The following MLLT3 variants were observed in gnomAD, a reference collection of about 807,000 sequenced individuals.
The protein encoded by MLLT3 is protein AF-9.
In MLLT3, 4 loss-of-function variants were observed where a neutral mutation model predicts 53.2. The observed-to-expected ratio is 0.08, with a 90% CI of 0.04 to 0.17. The LOEUF is 0.17. Among genes scored for constraint, MLLT3 ranks in the 10% least tolerant of loss-of-function variants. The probability of loss-of-function intolerance (pLI) is 1.00; values close to 1 mark genes in which losing one functional copy is unlikely to be tolerated. For synonymous variants in MLLT3, 283 were observed against 230.6 expected (o/e 1.23, Z -2.06); for missense variants, 569 against 684.0 (o/e 0.83, Z 1.87).
chr9:20,343,396 G>T lies in MLLT3; in HGVS notation c.*3047C>A. 1 of 213,846 alleles carries T rather than the reference G, an allele frequency of 4.7e-6. No homozygotes were observed. 13.2% of individuals were successfully genotyped at this position (213,846 alleles called of 1,614,324 possible). On this transcript the variant is annotated 3_prime_UTR_variant, in exon 11 of 11. Transcript: ENST00000380338. Reference sequence around the variant, plus strand: ...AGTCTTCCCTACCTTGACACTATATGAACGCATTTATAGACATACCTATTT... The same window carrying T: ...AGTCTTCCCTACCTTGACACTATATTAACGCATTTATAGACATACCTATTT...
intron 2 of MLLT3, among the ~76,000 whole-genome samples, chr9:20,619,189 A>T (rs905166077): frequency 6.6e-6 from 1 of 152,238 alleles, no homozygotes; most frequent in Non-Finnish European, 1.5e-5. Context: ...ACTATATTTT[A>T]ACATAAAATG....
chr9:20,596,464 C>T (rs1160553663), intron 2 of MLLT3, among the ~76,000 whole-genome samples: 2 of 152,126 alleles, frequency 1.3e-5, no homozygotes, highest in Non-Finnish European at 2.9e-5. Flanking sequence ...CCAAGGCAGG[C>T]GGATCACCTG....
chr9:20,419,272 C>T (rs1297446532), intron 4 of MLLT3, among the ~76,000 whole-genome samples: 1 of 151,950 alleles, frequency 6.6e-6, no homozygotes, highest in Non-Finnish European at 1.5e-5. Flanking sequence ...AAGATCGATG[C>T]TAACTGGCAG....
chr9:20,565,940 A>ATATATATATATT (rs1819349898), intron 2 of MLLT3, among the ~76,000 whole-genome samples: 2 of 12,264 alleles, frequency 1.6e-4, no homozygotes. Flanking sequence ...ATATATATTT[A>ATATATATATATT]TATATATATA....
Position 20,595,316 on chromosome 9 carries a change from G to A in MLLT3, c.193+25338C>T, listed in dbSNP as rs1381122975. 3.9e-5 allele frequency among the ~76,000 whole-genome samples: 6 copies of A among 152,102 alleles called. 1 individual carries two copies. The East Asian group carries it at 5.8e-4, about 15-fold the overall frequency. On this transcript the variant is annotated intron_variant, in intron 2 of 10. Transcript: ENST00000380338. ...CAGGAGACTGAGGCAGCAGTGAATCGTCTTCATACATACCACTGCACTCCA... is the reference window on the plus strand; with the variant it reads ...CAGGAGACTGAGGCAGCAGTGAATCATCTTCATACATACCACTGCACTCCA...
At chr9:20,599,732 C>A (rs935907238) in intron 2 of MLLT3, among the ~76,000 whole-genome samples, 1 of 152,130 alleles carries the variant, frequency 6.6e-6, no homozygotes, top group African/African-American at 2.4e-5. Context: ...ATCCAAAGAG[C>A]AATAGTTCTG....
chr9:20,494,838 A>G (rs947501120), intron 2 of MLLT3, among the ~76,000 whole-genome samples: 1 of 152,186 alleles, frequency 6.6e-6, no homozygotes, highest in Non-Finnish European at 1.5e-5. Context: ...TTAAAACTGA[A>G]AAAACAACTG....
chr9:20,595,498 T>C (rs1820239544), intron 2 of MLLT3, among the ~76,000 whole-genome samples: 2 of 152,138 alleles, frequency 1.3e-5, no homozygotes, highest in African/African-American at 4.8e-5. Flanking sequence ...AGGAAACATT[T>C]GTCACAATAT....
chr9:20,606,332 G>A (rs755437193), intron 2 of MLLT3, among the ~76,000 whole-genome samples: 2 of 151,714 alleles, frequency 1.3e-5, no homozygotes, highest in Admixed American at 6.6e-5. Flanking sequence ...GTGGGGGAGG[G>A]GTGAAGGCGG....
intron 4 of MLLT3, among the ~76,000 whole-genome samples, chr9:20,422,155 T>C (rs553051398): frequency 6.6e-6 from 1 of 151,334 alleles, no homozygotes; most frequent in Admixed American, 6.6e-5. Flanking sequence ...AGCCCAAGAG[T>C]CTTTCGTTCA....
At chr9:20,496,492 T>C (rs1825082693) in intron 2 of MLLT3, among the ~76,000 whole-genome samples, 1 of 152,160 alleles carries the variant, frequency 6.6e-6, no homozygotes, top group African/African-American at 2.4e-5. Flanking sequence ...TTTAGCATAA[T>C]TGACACGTCA....
intron 6 of MLLT3, among the ~76,000 whole-genome samples, chr9:20,364,088 A>C (rs1309299825): frequency 2.0e-5 from 3 of 152,180 alleles, no homozygotes; most frequent in African/African-American, 7.2e-5. Context: ...ATTTCAGTCA[A>C]GTTCAGATTA....
intron 4 of MLLT3, among the ~76,000 whole-genome samples, chr9:20,427,238 C>T (rs762003775): frequency 6.0e-5 from 9 of 149,854 alleles, no homozygotes; most frequent in Non-Finnish European, 1.2e-4. Context: ...ATCCAAAAAG[C>T]GACCAAGCAA....
In MLLT3 at chr9:20,620,168, G is replaced by A. The variant is rs901072048; in HGVS notation, c.193+486C>T. On this transcript the variant is annotated intron_variant, in intron 2 of 10. Coordinates refer to ENST00000380338, the MANE Select transcript of MLLT3 (RefSeq NM_004529.4). This position sits in a 1 kb window ranked among gnomAD's most constrained non-coding sequence, Gnocchi z 6.1. ...AGGAAAGCACAGAAGACCCTAAAGAGAACCGACTTGCCAAGACCGAACAAT... is the reference window on the plus strand; with the variant it reads ...AGGAAAGCACAGAAGACCCTAAAGAAAACCGACTTGCCAAGACCGAACAAT... Among the ~76,000 whole-genome samples, 2 of 151,886 alleles carry A rather than the reference G, an allele frequency of 1.3e-5. No individual in the cohort carries two copies. The highest frequency in any genetic ancestry group is 1.3e-4 in the Admixed American group (2 of 15,236).
chr9:20,408,475 TA>T (rs536841211), intron 5 of MLLT3, among the ~76,000 whole-genome samples: 153 of 152,268 alleles, frequency 1.0e-3, no homozygotes, highest in African/African-American at 3.4e-3. Context: ...TAATTTCAAT[TA>T]ATGTTCCACA....
chr9:20,345,146 C>CA lies in MLLT3; in HGVS notation c.*1296dup, dbSNP rs1563929500. 8.9e-6 allele frequency: 2 copies of CA among 223,966 alleles called. No homozygotes were observed. The highest frequency in any genetic ancestry group is 1.3e-3 in the Middle Eastern group (1 of 754). 13.9% of individuals were successfully genotyped at this position (223,966 alleles called of 1,614,324 possible). On this transcript the variant is annotated 3_prime_UTR_variant, in exon 11 of 11. Coordinates refer to ENST00000380338, the MANE Select transcript of MLLT3 (RefSeq NM_004529.4). ...TTTCAAAACAAGGGTACAACAAGAA[C>CA]AAAAAAATCCCCCCATCCCCAACCG...
intron 2 of MLLT3, among the ~76,000 whole-genome samples, chr9:20,616,025 CATTTTA>C (rs1820826186): frequency 2.6e-5 from 4 of 151,930 alleles, no homozygotes; most frequent in Non-Finnish European, 5.9e-5. Flanking sequence ...AAAATGTCTC[CATTTTA>C]ATTTCTAATA....
intron 6 of MLLT3, among the ~76,000 whole-genome samples, 192 bp downstream of exon 6, chr9:20,365,477 A>C (rs1387543383): frequency 6.6e-6 from 1 of 152,154 alleles, no homozygotes; most frequent in African/African-American, 2.4e-5. Context: ...AGCTGGGACT[A>C]CAGGCGCATG....
intron 2 of MLLT3, among the ~76,000 whole-genome samples, chr9:20,546,606 A>T (rs982656230): frequency 7.2e-5 from 11 of 152,190 alleles, no homozygotes; most frequent in Admixed American, 7.2e-4. Context: ...GACACACCTG[A>T]CAGTGATAAC....
Sources: allele counts gnomAD v4.1 joint callset (sites outside exome capture counted in the v4.1 genomes callset), GRCh38; gene constraint gnomAD v4.1.1; non-coding constraint Gnocchi (gnomAD v3.1); transcripts MANE v1.5; gene names NCBI Gene and HGNC (gene_info 2026-07-23, HGNC 2026-07-21).